KCNQ4: variants seen among roughly 807,000 people sequenced by gnomAD.
KCNQ4 encodes the protein potassium voltage-gated channel subfamily Q member 4.
In KCNQ4, 31 loss-of-function variants were observed where a neutral mutation model predicts 72.6. The ratio of observed to expected loss-of-function variants is 0.43; its 90% CI spans 0.32 to 0.58. KCNQ4 has a LOEUF of 0.58. Among genes scored for constraint, KCNQ4 ranks in the 20% least tolerant of loss-of-function variants. KCNQ4 has a pLI of 0.08. For missense variants in KCNQ4, 869 were observed against 962.6 expected (o/e 0.90, Z 1.29); for synonymous variants, 405 against 403.7 (o/e 1.00, Z -0.04).
chr1:40,803,510 G>T (rs2148305382), intron 1 of KCNQ4, among the ~76,000 whole-genome samples: 1 of 152,328 alleles, frequency 6.6e-6, no homozygotes. Context: ...AGCTGGGCCT[G>T]CAGGCTGGGC....
chr1:40,786,321 A>G (rs1647202641), intron 1 of KCNQ4, among the ~76,000 whole-genome samples: 1 of 152,118 alleles, frequency 6.6e-6, no homozygotes, highest in Non-Finnish European at 1.5e-5. Flanking sequence ...GGGTCAGTGG[A>G]GGTGAAGGAC....
At chr1:40,785,320 C>A (rs574624632) in intron 1 of KCNQ4, among the ~76,000 whole-genome samples, 1 of 152,344 alleles carries the variant, frequency 6.6e-6, no homozygotes, top group South Asian at 2.1e-4. Context: ...ATGAGAGGCC[C>A]CGCAGATATC....
rs1647351686 is a variant in KCNQ4, at chr1:40,794,441, CTG to C, written c.314+10035_314+10036del. Among the ~76,000 whole-genome samples the C allele has an allele frequency of 6.6e-6, 1 of 152,200 alleles. No individual in the cohort carries two copies. Among genetic ancestry groups the C allele is most frequent in the East Asian group, 1.9e-4 (1 of 5,190 alleles). Reference sequence around the variant, plus strand: ...TTGTTCCCATTTTGCAGACAAGAAACTGGGGCTCAAAGAAGAGAAACACCACA... The same window carrying C: ...TTGTTCCCATTTTGCAGACAAGAAACGGGCTCAAAGAAGAGAAACACCACA... On this transcript the variant is annotated intron_variant, in intron 1 of 13. Transcript: ENST00000347132. This position sits in a 1 kb window ranked among gnomAD's most constrained non-coding sequence, Gnocchi z 4.2.
intron 1 of KCNQ4, among the ~76,000 whole-genome samples, chr1:40,809,737 G>A (rs1647869896): frequency 6.6e-6 from 1 of 152,144 alleles, no homozygotes; most frequent in Non-Finnish European, 1.5e-5. Flanking sequence ...GTGGTCCTGA[G>A]ATGCAAATTG....
At chr1:40,810,059 C>CAAA (rs56970636) in intron 1 of KCNQ4, among the ~76,000 whole-genome samples, 42 of 148,460 alleles carry the variant, frequency 2.8e-4, no homozygotes, top group Middle Eastern at 3.4e-3. Context: ...GACTCCGTCT[C>CAAA]AAAAAAAAAA....
intron 1 of KCNQ4, among the ~76,000 whole-genome samples, chr1:40,810,059 C>CAA (rs56970636): frequency 0.4 from 59,378 of 148,240 alleles, 12,023 homozygotes; most frequent in Middle Eastern, 0.49. Context: ...GACTCCGTCT[C>CAA]AAAAAAAAAA....
At chr1:40,792,835 A>G (rs918758257) in intron 1 of KCNQ4, among the ~76,000 whole-genome samples, 9 of 152,124 alleles carry the variant, frequency 5.9e-5, no homozygotes, top group Middle Eastern at 3.4e-3. Flanking sequence ...AGGGGGATTA[A>G]GGTGTAAAGA....
Position 40,838,611 on chromosome 1 carries a change from C to T in KCNQ4, c.*88C>T, listed in dbSNP as rs1035062643. 4.2e-6 allele frequency: 5 copies of T among 1,186,834 alleles called. No individual in the cohort carries two copies. The highest frequency in any genetic ancestry group is 1.5e-5 in the African/African-American group (1 of 66,266). The allele number at this position is 1,186,834 out of a possible 1,614,324, so 73.5% of individuals were successfully genotyped here. A position where few individuals can be genotyped will look rare whatever the true frequency, so the allele number is the denominator to read the frequency against. Reference sequence around the variant, plus strand: ...CTGAGGCCTCCGGACTCCTCTCGTACTTGAACTCACTCCCTCACGGGGAGA... The same window carrying T: ...CTGAGGCCTCCGGACTCCTCTCGTATTTGAACTCACTCCCTCACGGGGAGA... On this transcript the variant is annotated 3_prime_UTR_variant, in exon 14 of 14. Coordinates refer to ENST00000347132, the MANE Select transcript of KCNQ4 (RefSeq NM_004700.4).
chr1:40,834,218 G>T (rs575337366), intron 11 of KCNQ4, among the ~76,000 whole-genome samples: 6 of 152,186 alleles, frequency 3.9e-5, no homozygotes, highest in African/African-American at 1.4e-4. Context: ...CCCCAAACCT[G>T]CTCCTCTTCC....
chr1:40,837,572 G>A, intron 12 of KCNQ4, 93 bp from the exon 13 acceptor site: 1 of 1,492,688 alleles, frequency 6.7e-7, no homozygotes, highest in East Asian at 2.3e-5. Flanking sequence ...CTGTCCCCTC[G>A]TGGTGCCTTC....
rs1359345285 is a variant in KCNQ4, at chr1:40,784,918, G to A, written c.314+511G>A. On this transcript the variant is annotated intron_variant, in intron 1 of 13. Transcript: ENST00000347132. This position sits in a 1 kb window ranked among gnomAD's most constrained non-coding sequence, Gnocchi z 4.1. ...CCCTCATTCCTACCCCTGCCCAGCT[G>A]ACTGTGGGTGTGTGGGGGTCCCTGT... Among the ~76,000 whole-genome samples the A allele has an allele frequency of 6.6e-6, 1 of 152,236 alleles. No individual in the cohort carries two copies. Among genetic ancestry groups the A allele is most frequent in the African/African-American group, 2.4e-5 (1 of 41,468 alleles).
Position 40,824,320 on chromosome 1 carries a change from C to T in KCNQ4, c.1292+62C>T, listed in dbSNP as rs561534386. The stretch of plus-strand genomic sequence containing the variant: ...CTCCTCCTCTTCTTCCATTCTCTGT[C>T]TTCATCCTCTCTCAGACCTGCCTTC... On this transcript the variant is annotated intron_variant, in intron 9 of 13. Coordinates refer to ENST00000347132, the MANE Select transcript of KCNQ4 (RefSeq NM_004700.4). The T allele has an allele frequency of 3.2e-6, 5 of 1,542,406 alleles. No individual in the cohort carries two copies. In the Admixed American group the frequency reaches 9.1e-5, roughly 28 times the overall value.
chr1:40,810,415 C>T (rs531263810), intron 1 of KCNQ4, among the ~76,000 whole-genome samples: 13 of 152,324 alleles, frequency 8.5e-5, no homozygotes, highest in African/African-American at 3.1e-4. Context: ...ACCACTGTGT[C>T]ATGTTCTGTG....
chr1:40,828,185 C>A (rs11801911), intron 9 of KCNQ4, among the ~76,000 whole-genome samples: 11,860 of 152,154 alleles, frequency 0.078, 897 homozygotes, highest in African/African-American at 0.2. Flanking sequence ...AAAGAAAGTC[C>A]TTGTGGAAGT....
At chr1:40,799,636 C>T (rs1016933841) in intron 1 of KCNQ4, among the ~76,000 whole-genome samples, 16 of 152,228 alleles carry the variant, frequency 1.1e-4, no homozygotes, top group Non-Finnish European at 2.1e-4. Flanking sequence ...CTGGCCCCCA[C>T]CAGGGACTGA....
intron 12 of KCNQ4, among the ~76,000 whole-genome samples, chr1:40,836,610 A>C (rs970199982): frequency 1.3e-5 from 2 of 152,200 alleles, no homozygotes; most frequent in Non-Finnish European, 2.9e-5. Flanking sequence ...TGGATCCTGC[A>C]GTGTTTCCAG....
intron 1 of KCNQ4, among the ~76,000 whole-genome samples, chr1:40,808,440 G>A (rs909447876): frequency 1.3e-5 from 2 of 152,176 alleles, no homozygotes; most frequent in Admixed American, 6.5e-5. Context: ...TAATGGTCCT[G>A]TGCTCCCATG....
intron 1 of KCNQ4, among the ~76,000 whole-genome samples, chr1:40,787,710 C>T (rs1647217199): frequency 6.6e-6 from 1 of 150,458 alleles, no homozygotes; most frequent in South Asian, 2.1e-4. Flanking sequence ...CCTCCTATGC[C>T]CCAGTCCCTG....
chr1:40,790,319 G>A (rs144373348), intron 1 of KCNQ4, among the ~76,000 whole-genome samples: 2 of 152,286 alleles, frequency 1.3e-5, no homozygotes, highest in Non-Finnish European at 2.9e-5. Context: ...CATGATCATC[G>A]TTACTGTTAT....
Sources: allele counts gnomAD v4.1 joint callset (sites outside exome capture counted in the v4.1 genomes callset), GRCh38; gene constraint gnomAD v4.1.1; non-coding constraint Gnocchi (gnomAD v3.1); transcripts MANE v1.5; gene names NCBI Gene and HGNC (gene_info 2026-07-23, HGNC 2026-07-21).